WWP2: variants seen among roughly 807,000 people sequenced by gnomAD.
The protein encoded by WWP2 is NEDD4-like E3 ubiquitin-protein ligase WWP2.
In WWP2, 57 loss-of-function variants were observed where a neutral mutation model predicts 121.0. That is an observed-to-expected ratio of 0.47 (90% CI 0.38 to 0.59). The LOEUF is 0.59. Among genes scored for constraint, WWP2 ranks in the 20% least tolerant of loss-of-function variants. The probability of loss-of-function intolerance (pLI) is 0.00; values close to 1 mark genes in which losing one functional copy is unlikely to be tolerated. For synonymous variants in WWP2, 449 were observed against 441.3 expected (o/e 1.02, Z -0.22); for missense variants, 962 against 1,158.9 (o/e 0.83, Z 2.47).
At chr16:69,887,555 G>C (rs1186799429) in intron 7 of WWP2, among the ~76,000 whole-genome samples, 1 of 152,108 alleles carries the variant, frequency 6.6e-6, no homozygotes, top group Non-Finnish European at 1.5e-5. Context: ...ATAGGTGTGC[G>C]CCACCATGCC....
intron 4 of WWP2, among the ~76,000 whole-genome samples, chr16:69,837,632 C>G (rs1224724895): frequency 6.6e-6 from 1 of 152,098 alleles, no homozygotes; most frequent in Non-Finnish European, 1.5e-5. Context: ...TGAACATTAT[C>G]AGTCCTCCAG....
rs2058814620 is a variant in WWP2, at chr16:69,937,307, A to C, written c.2238+69A>C. The C allele has an allele frequency of 1.3e-6, 2 of 1,586,224 alleles. No individual in the cohort carries two copies. The highest frequency in any genetic ancestry group is 1.7e-6 in the Non-Finnish European group (2 of 1,165,552). ...GGCGATCCTGCTCTGTGATACGCTCACTGTGTACCCACAGACACTCAGCGT... is the reference window on the plus strand; with the variant it reads ...GGCGATCCTGCTCTGTGATACGCTCCCTGTGTACCCACAGACACTCAGCGT... On this transcript the variant is annotated intron_variant, in intron 20 of 23. Coordinates refer to ENST00000359154, the MANE Select transcript of WWP2 (RefSeq NM_001270454.2). This position sits in a 1 kb window ranked among gnomAD's most constrained non-coding sequence, Gnocchi z 6.6.
intron 4 of WWP2, among the ~76,000 whole-genome samples, chr16:69,837,205 A>G (rs1011205343): frequency 6.6e-6 from 1 of 152,312 alleles, no homozygotes; most frequent in African/African-American, 2.4e-5. Context: ...GATTACAGGC[A>G]TGAGCCACTG....
At chr16:69,791,232 CT>C (rs1555546040) in intron 2 of WWP2, among the ~76,000 whole-genome samples, 247 of 145,174 alleles carry the variant, frequency 1.7e-3, no homozygotes, top group Non-Finnish European at 1.5e-3. Context: ...TTTTTTCTTT[CT>C]TTTTTTTTTT....
At chr16:69,830,406 A>C (rs1474236130) in intron 4 of WWP2, among the ~76,000 whole-genome samples, 1 of 152,222 alleles carries the variant, frequency 6.6e-6, no homozygotes, top group East Asian at 1.9e-4. Flanking sequence ...TGTTTCCTGA[A>C]TGAATGAACA....
chr16:69,773,444 G>A (rs2151770834), intron 1 of WWP2, among the ~76,000 whole-genome samples: 1 of 152,138 alleles, frequency 6.6e-6, no homozygotes, highest in Non-Finnish European at 1.5e-5. Context: ...CTCCCAAAGT[G>A]CTAGAATTAC....
At chr16:69,889,464 T>C (rs1446443897) in intron 8 of WWP2, among the ~76,000 whole-genome samples, 2 of 152,202 alleles carry the variant, frequency 1.3e-5, no homozygotes, top group Non-Finnish European at 2.9e-5. Context: ...AGCTCTGGGT[T>C]TGAATCCCCC....
chr16:69,918,190 G>T (rs1244825560), intron 10 of WWP2, among the ~76,000 whole-genome samples: 3 of 152,038 alleles, frequency 2.0e-5, no homozygotes, highest in African/African-American at 7.3e-5. Context: ...TCCCTGACTT[G>T]CACCCTGACT....
At chr16:69,858,514 G>A (rs758682556) in intron 6 of WWP2, among the ~76,000 whole-genome samples, 10 of 152,074 alleles carry the variant, frequency 6.6e-5, no homozygotes, top group East Asian at 1.9e-4. Flanking sequence ...AAGAGGGGGC[G>A]CCCTTTATCA....
intron 4 of WWP2, among the ~76,000 whole-genome samples, chr16:69,813,075 T>C (rs1313480501): frequency 6.6e-6 from 1 of 152,192 alleles, no homozygotes. Flanking sequence ...TCCGTTTTCA[T>C]GTATGCGTGT....
At chr16:69,872,960 T>C (rs1185726793) in intron 7 of WWP2, among the ~76,000 whole-genome samples, 1 of 152,236 alleles carries the variant, frequency 6.6e-6, no homozygotes, top group Non-Finnish European at 1.5e-5. Flanking sequence ...GATTGTCAAA[T>C]CTTTAGAGAC....
chr16:69,877,431 T>G (rs2057753309), intron 7 of WWP2, among the ~76,000 whole-genome samples: 2 of 152,244 alleles, frequency 1.3e-5, no homozygotes, highest in Non-Finnish European at 2.9e-5. Context: ...GAGGCTGGTT[T>G]GATCTTCTTT....
rs1376045181 is a variant in WWP2, at chr16:69,931,845, T to A, written c.1637T>A (p.Ile546Asn). ...TATGACCTGCGCCGCCGGCTCTACA[T>A]CATCATGCGTGGCGAGGAGGGCCTG... ...KPYDLRRRLY[I>N]IMRGEEGLDY... The change falls in exon 16 of 24, where the codon ATC becomes AAC. Residue 546 changes from isoleucine (I) to asparagine (N), a missense_variant. Transcript: ENST00000359154. 1 of 1,613,780 alleles carries A rather than the reference T, an allele frequency of 6.2e-7. No homozygotes were observed.
Position 69,925,111 on chromosome 16 carries a change from C to A in WWP2, c.1180-319C>A. ...GAGCCTGCTTCCCGGGCCTTCCTACCATGCCAGGGCTGCTCCCTGCCTCCG... is the reference window on the plus strand; with the variant it reads ...GAGCCTGCTTCCCGGGCCTTCCTACAATGCCAGGGCTGCTCCCTGCCTCCG... On this transcript the variant is annotated intron_variant, in intron 10 of 23. Transcript: ENST00000359154. This position sits in a 1 kb window ranked among gnomAD's most constrained non-coding sequence, Gnocchi z 4.0. 1 of 1,090,124 alleles carries A rather than the reference C, an allele frequency of 9.2e-7. No individual in the cohort carries two copies. Among genetic ancestry groups the A allele is most frequent in the Non-Finnish European group, 1.1e-6 (1 of 897,188 alleles). The allele number at this position is 1,090,124 out of a possible 1,614,324, so 67.5% of individuals were successfully genotyped here.
At chr16:69,848,390 T>C (rs1393455021) in intron 6 of WWP2, among the ~76,000 whole-genome samples, 1 of 151,380 alleles carries the variant, frequency 6.6e-6, no homozygotes, top group Non-Finnish European at 1.5e-5. Flanking sequence ...GTGGAGGTTG[T>C]GGTGAGCCCA....
chr16:69,921,827 A>C (rs527574327), intron 10 of WWP2, among the ~76,000 whole-genome samples: 5 of 152,252 alleles, frequency 3.3e-5, no homozygotes, highest in Admixed American at 6.5e-5. Context: ...TAATCCCAGC[A>C]CTTTGGGAGG....
chr16:69,823,974 C>T (rs1277407167), intron 4 of WWP2, among the ~76,000 whole-genome samples: 1 of 152,220 alleles, frequency 6.6e-6, no homozygotes, highest in African/African-American at 2.4e-5. Context: ...AAATGAACAC[C>T]TGCTGCAGGC....
chr16:69,764,016 A>G (rs984507522), intron 1 of WWP2, among the ~76,000 whole-genome samples: 9 of 152,160 alleles, frequency 5.9e-5, no homozygotes, highest in Admixed American at 4.6e-4. Flanking sequence ...GCGTATACCA[A>G]CATCTCACTT....
intron 1 of WWP2, among the ~76,000 whole-genome samples, chr16:69,775,990 C>T (rs1002028421): frequency 6.6e-6 from 1 of 152,084 alleles, no homozygotes; most frequent in African/African-American, 2.4e-5. Context: ...TTTGGTTTTC[C>T]CTAAAAACTC....
Sources: allele counts gnomAD v4.1 joint callset (sites outside exome capture counted in the v4.1 genomes callset), GRCh38; gene constraint gnomAD v4.1.1; non-coding constraint Gnocchi (gnomAD v3.1); transcripts MANE v1.5; gene names NCBI Gene and HGNC (gene_info 2026-07-23, HGNC 2026-07-21).